The following ZNF568 variants were observed in gnomAD, a reference collection of about 807,000 sequenced individuals.
The protein encoded by ZNF568 is zinc finger protein 568.
ZNF568 carries 11 observed loss-of-function variants against 18.1 expected under a neutral mutation model. The observed-to-expected ratio is 0.61, with a 90% confidence interval of 0.38 to 1.00. The LOEUF is 1.00. Among genes scored for constraint, ZNF568 ranks in the 50% least tolerant of loss-of-function variants. The pLI, the probability that ZNF568 is intolerant of heterozygous loss-of-function variation, is 0.01. For missense variants in ZNF568, 639 were observed against 768.2 expected (o/e 0.83, Z 1.99); for synonymous variants, 213 against 246.6 (o/e 0.86, Z 1.28).
chr19:36,986,727 A>T (rs994473429), intron 2 of ZNF568, among the ~76,000 whole-genome samples: 1 of 151,932 alleles, frequency 6.6e-6, no homozygotes. Flanking sequence ...TGGGGATTTG[A>T]TTCGTATTTT....
At chr19:36,948,744 T>C (rs1365865982) in intron 6 of ZNF568, among the ~76,000 whole-genome samples, 1 of 151,304 alleles carries the variant, frequency 6.6e-6, no homozygotes. Context: ...GTTTCGTTTT[T>C]CCTTCCTAAT....
At chr19:36,988,254 T>C (rs1041727746) in intron 2 of ZNF568, among the ~76,000 whole-genome samples, 1 of 152,170 alleles carries the variant, frequency 6.6e-6, no homozygotes, top group Non-Finnish European at 1.5e-5. Flanking sequence ...ACACTTGGCC[T>C]GAATGCTTTC....
At chr19:36,975,155 T>TCTTTC (rs1555738262) in intron 7 of ZNF568, among the ~76,000 whole-genome samples, 4 of 139,512 alleles carry the variant, frequency 2.9e-5, no homozygotes, top group East Asian at 2.0e-4. Context: ...TTTCTTTCTT[T>TCTTTC]TTTTTTTTTT....
In ZNF568 at chr19:36,937,237, G is replaced by A. The variant is rs752347391; in HGVS notation, c.353G>A (p.Cys118Tyr). ...VMEEEMFGRHCPEVWEVDEQI... is the reference protein window; with the variant it reads ...VMEEEMFGRHYPEVWEVDEQI... ...GAGGAAGAAATGTTTGGGAGGCACT[G>A]TCCAGGTGAATAAGTGAAAAGCAGC... The change falls in exon 6 of 7, where the codon TGT becomes TAT. Residue 118 changes from cysteine (C) to tyrosine (Y), a missense_variant. By Grantham distance (194) the Cys-to-Tyr change is radical. Transcript: ENST00000333987. 48 of 1,613,306 alleles carry A rather than the reference G, an allele frequency of 3.0e-5. No individual in the cohort carries two copies. The South Asian group carries it at 4.9e-4, about 17-fold the overall frequency.
At chr19:36,923,178 A>G (rs150691216) in intron 3 of ZNF568, among the ~76,000 whole-genome samples, 194 of 152,210 alleles carry the variant, frequency 1.3e-3, no homozygotes, top group African/African-American at 4.6e-3. Flanking sequence ...ATATTCTGGT[A>G]TTCACCTCCT....
chr19:36,961,267 CTTCT>C (rs1418764282), intron 6 of ZNF568, among the ~76,000 whole-genome samples: 7 of 110,308 alleles, frequency 6.3e-5, no homozygotes, highest in Non-Finnish European at 8.9e-5. Context: ...ATATAATGAC[CTTCT>C]TTGTCTTTTT....
intron 3 of ZNF568, 63 bp downstream of exon 3, chr19:36,922,909 A>C: frequency 6.8e-7 from 1 of 1,466,208 alleles, no homozygotes; most frequent in Middle Eastern, 1.7e-4. Flanking sequence ...GGGACAGTGA[A>C]AAGAAATTCA....
intron 2 of ZNF568, among the ~76,000 whole-genome samples, chr19:36,987,878 G>A (rs1053310957): frequency 7.2e-6 from 1 of 139,162 alleles, no homozygotes; most frequent in African/African-American, 2.6e-5. Flanking sequence ...GGGATGGGGT[G>A]AAGGGATTCA....
chr19:36,990,839 T>C (rs1029496546), intron 2 of ZNF568, among the ~76,000 whole-genome samples: 1 of 152,182 alleles, frequency 6.6e-6, no homozygotes, highest in African/African-American at 2.4e-5. Flanking sequence ...AATGAGAAGT[T>C]TGTGTGCTTA....
chr19:36,923,336 CCTT>C (rs1190285688), intron 3 of ZNF568, among the ~76,000 whole-genome samples: 1 of 152,082 alleles, frequency 6.6e-6, no homozygotes, highest in Non-Finnish European at 1.5e-5. Flanking sequence ...ACACTCTTCT[CCTT>C]GCCCTTCTTT....
chr19:36,929,928 G>A (rs556922749), intron 4 of ZNF568, among the ~76,000 whole-genome samples: 26 of 132,792 alleles, frequency 2.0e-4, no homozygotes, highest in Non-Finnish European at 3.6e-4. Flanking sequence ...TCTTGCCAGG[G>A]GCAGAAGCGT....
At chr19:36,960,234 C>T (rs1054733342) in intron 6 of ZNF568, among the ~76,000 whole-genome samples, 1 of 150,842 alleles carries the variant, frequency 6.6e-6, no homozygotes, top group African/African-American at 2.4e-5. Context: ...TCTCCAGCCT[C>T]AGCCTCCCGA....
intron 2 of ZNF568, among the ~76,000 whole-genome samples, chr19:36,920,790 G>T (rs996329237): frequency 3.3e-5 from 3 of 90,838 alleles, no homozygotes; most frequent in Non-Finnish European, 6.5e-5. Context: ...GCGTTCACTC[G>T]CCACTCACTC....
intron 6 of ZNF568, among the ~76,000 whole-genome samples, chr19:36,949,175 T>G (rs755242800): frequency 2.0e-5 from 3 of 152,210 alleles, no homozygotes; most frequent in Non-Finnish European, 4.4e-5. Flanking sequence ...CATTTTGTTC[T>G]CTAGCCGTTT....
intron 2 of ZNF568, among the ~76,000 whole-genome samples, chr19:36,918,004 A>G (rs1237271549): frequency 6.6e-6 from 1 of 152,178 alleles, no homozygotes; most frequent in Non-Finnish European, 1.5e-5. Flanking sequence ...GCTGGAGTGC[A>G]GTGGCACGGT....
rs1193440344 is a variant in ZNF568, at chr19:36,975,681, C to CTTTTTTTTTTTTT, written c.405+1224_405+1236dup. Among the ~76,000 whole-genome samples the CTTTTTTTTTTTTT allele has an allele frequency of 1.5e-4, 11 of 75,778 alleles. 2 individuals are homozygous for CTTTTTTTTTTTTT. The highest frequency in any genetic ancestry group is 3.4e-4 in the East Asian group (1 of 2,954). 49.7% of individuals were successfully genotyped at this position (75,778 alleles called of 152,430 possible). A position where few individuals can be genotyped will look rare whatever the true frequency, so the allele number is the denominator to read the frequency against. Reference sequence around the variant, plus strand: ...GCAGGCGTGAGCCACCGCGCCAAGACTTTTTTTTTTTTTTTTTTTTTGAGA... The same window carrying CTTTTTTTTTTTTT: ...GCAGGCGTGAGCCACCGCGCCAAGACTTTTTTTTTTTTTTTTTTTTTTTTTTTTTTTTTTGAGA... On this transcript the variant is annotated intron_variant, in intron 7 of 7. Coordinates refer to the ZNF568 transcript ENST00000427117.
At chr19:36,928,046 C>G (rs959984580) in intron 4 of ZNF568, among the ~76,000 whole-genome samples, 1 of 149,020 alleles carries the variant, frequency 6.7e-6, no homozygotes, top group Admixed American at 6.8e-5. Flanking sequence ...TCCCAAGCAG[C>G]TGGGATTACA....
chr19:36,935,415 C>A (rs1408039897), intron 4 of ZNF568, among the ~76,000 whole-genome samples: 2 of 151,898 alleles, frequency 1.3e-5, no homozygotes, highest in Non-Finnish European at 2.9e-5. Context: ...CAAAAATTAG[C>A]CGGGTGCGGT....
chr19:36,975,152 C>CTTTCTTTCT (rs1555738274), intron 7 of ZNF568, among the ~76,000 whole-genome samples: 6 of 126,552 alleles, frequency 4.7e-5, no homozygotes, highest in African/African-American at 1.8e-4. Context: ...TTCTTTCTTT[C>CTTTCTTTCT]TTTTTTTTTT....
Sources: allele counts gnomAD v4.1 joint callset (sites outside exome capture counted in the v4.1 genomes callset), GRCh38; gene constraint gnomAD v4.1.1; transcripts MANE v1.5; gene names NCBI Gene and HGNC (gene_info 2026-07-23, HGNC 2026-07-21).